The following WDR7 variants were observed in gnomAD, a reference collection of about 807,000 sequenced individuals.
The protein encoded by WDR7 is WD repeat-containing protein 7.
In WDR7, 46 loss-of-function variants were observed where a neutral mutation model predicts 169.4. That is an observed-to-expected ratio of 0.27 (90% CI 0.21 to 0.35). The LOEUF is 0.35. WDR7 is among the 10% of genes least tolerant of loss of function. The pLI, the probability that WDR7 is intolerant of heterozygous loss-of-function variation, is 1.00. For missense variants in WDR7, 1,534 were observed against 1,859.3 expected (o/e 0.83, Z 3.22); for synonymous variants, 612 against 666.8 (o/e 0.92, Z 1.27).
chr18:56,682,887 C>T, intron 5 of WDR7, 34 bp downstream of exon 5: 1 of 1,586,118 alleles, frequency 6.3e-7, no homozygotes, highest in Non-Finnish European at 8.6e-7. Context: ...AGCTTTAGCA[C>T]CATGACTTAA....
At chr18:56,952,142 A>T (rs2047192684) in intron 25 of WDR7, among the ~76,000 whole-genome samples, 1 of 152,194 alleles carries the variant, frequency 6.6e-6, no homozygotes, top group East Asian at 1.9e-4. Flanking sequence ...GGCAAATAAC[A>T]TCCTGGTGTC....
chr18:56,684,459 GGCTGT>G (rs1568135322), intron 5 of WDR7, among the ~76,000 whole-genome samples: 2 of 152,198 alleles, frequency 1.3e-5, no homozygotes, highest in African/African-American at 4.8e-5. Flanking sequence ...GATTGAGCCT[GGCTGT>G]GTTGCGATAA....
intron 21 of WDR7, among the ~76,000 whole-genome samples, chr18:56,884,082 T>A (rs374737426): frequency 2.6e-5 from 4 of 152,334 alleles, no homozygotes; most frequent in East Asian, 1.9e-4. Context: ...TTTTAAGGAA[T>A]CTTCACACTG....
At chr18:56,822,372 A>T (rs2045114425) in intron 20 of WDR7, among the ~76,000 whole-genome samples, 1 of 152,210 alleles carries the variant, frequency 6.6e-6, no homozygotes, top group African/African-American at 2.4e-5. Context: ...TTAAAATAGA[A>T]CTGAAAAAGA....
At chr18:56,906,227 G>A (rs2046474331) in intron 21 of WDR7, among the ~76,000 whole-genome samples, 1 of 152,144 alleles carries the variant, frequency 6.6e-6, no homozygotes, top group Non-Finnish European at 1.5e-5. Context: ...TATTGTCATA[G>A]GAATATACTC....
intron 22 of WDR7, among the ~76,000 whole-genome samples, chr18:56,929,215 G>T (rs553501044): frequency 2.2e-4 from 33 of 152,060 alleles, no homozygotes; most frequent in Non-Finnish European, 4.4e-4. Context: ...GGTCAAGGCT[G>T]CAGTGAGCTA....
rs186616903 is a variant in WDR7 at position 56,784,920 on chromosome 18, T to G, written c.3190+3264T>G. 6.1e-4 allele frequency among the ~76,000 whole-genome samples: 93 copies of G among 152,118 alleles called. No individual in the cohort carries two copies. The East Asian group carries it at 0.013, about 21-fold the overall frequency. The stretch of plus-strand genomic sequence containing the variant: ...GATCTTGTCATTTATTGTTGTTGTT[T>G]TTTTTTTTGTGAAAGACAAACATGC... On this transcript the variant is annotated intron_variant, in intron 19 of 27. Coordinates refer to ENST00000254442, the MANE Select transcript of WDR7 (RefSeq NM_015285.3).
rs1422628104 is a variant in WDR7, at chr18:56,889,191, A to T, written c.3526+9026A>T. ...GGACTTCAGTCATGATGGGGAGGAGATGGGCAACCTTGCCAGCTTCCTCTG... is the reference window on the plus strand; with the variant it reads ...GGACTTCAGTCATGATGGGGAGGAGTTGGGCAACCTTGCCAGCTTCCTCTG... On this transcript the variant is annotated intron_variant, in intron 21 of 27. Transcript: ENST00000254442. Among the ~76,000 whole-genome samples the T allele has an allele frequency of 2.6e-5, 4 of 152,194 alleles. No individual in the cohort carries two copies. The East Asian group carries it at 7.7e-4, about 29-fold the overall frequency.
At chr18:56,717,471 C>T (rs2026218489) in intron 12 of WDR7, among the ~76,000 whole-genome samples, 1 of 152,132 alleles carries the variant, frequency 6.6e-6, no homozygotes, top group African/African-American at 2.4e-5. Context: ...ATATCTATGA[C>T]TCCTAAGAAA....
chr18:56,838,664 T>C (rs1019160145), intron 20 of WDR7, among the ~76,000 whole-genome samples: 2 of 152,170 alleles, frequency 1.3e-5, no homozygotes, highest in Non-Finnish European at 2.9e-5. Flanking sequence ...AGACACAGCC[T>C]GTATTTTAAG....
rs187619793 is a variant in WDR7, at chr18:56,732,694, A to G, written c.1989+1097A>G. 3.9e-5 allele frequency among the ~76,000 whole-genome samples: 6 copies of G among 152,256 alleles called. No homozygotes were observed. In the East Asian group the frequency reaches 5.8e-4, roughly 15 times the overall value. ...AACTGGAACTGTGAAATCATTCTAC[A>G]TTTTTCCTCTGTGCTTTCAGTAGCA... On this transcript the variant is annotated intron_variant, in intron 14 of 27. Coordinates refer to ENST00000254442, the MANE Select transcript of WDR7 (RefSeq NM_015285.3).
intron 26 of WDR7, among the ~76,000 whole-genome samples, chr18:56,985,601 C>T (rs940625715): frequency 1.3e-5 from 2 of 151,900 alleles, no homozygotes; most frequent in African/African-American, 4.8e-5. Context: ...CTCTTAGTTA[C>T]CTTGAAATAT....
intron 12 of WDR7, among the ~76,000 whole-genome samples, chr18:56,700,743 G>A (rs1423551288): frequency 6.7e-6 from 1 of 149,674 alleles, no homozygotes; most frequent in African/African-American, 2.5e-5. Flanking sequence ...CTAATTTTTT[G>A]TATTTTTAGT....
intron 20 of WDR7, among the ~76,000 whole-genome samples, chr18:56,821,824 A>T (rs536800050): frequency 1.3e-5 from 2 of 151,326 alleles, no homozygotes; most frequent in Non-Finnish European, 2.9e-5. Flanking sequence ...GAGATACCCT[A>T]TCTCTACAAA....
intron 25 of WDR7, among the ~76,000 whole-genome samples, chr18:56,960,831 T>G (rs74446576): frequency 6.6e-6 from 1 of 152,082 alleles, no homozygotes; most frequent in Admixed American, 6.6e-5. Context: ...TCCTAACCAC[T>G]TAGTAGCCAG....
intron 17 of WDR7, 106 bp from the exon 18 acceptor site, chr18:56,779,323 CTT>C (rs750187671): frequency 1.4e-6 from 1 of 705,298 alleles, no homozygotes; most frequent in Non-Finnish European, 2.3e-6. Flanking sequence ...TGTAATATAA[CTT>C]AGCAGATCTG....
intron 26 of WDR7, among the ~76,000 whole-genome samples, chr18:56,976,271 A>C (rs1298819945): frequency 6.6e-6 from 1 of 152,238 alleles, no homozygotes; most frequent in Non-Finnish European, 1.5e-5. Flanking sequence ...AATTGATACT[A>C]TAATGCAGAA....
Position 56,701,279 on chromosome 18 carries a change from A to G in WDR7, c.1578+4817A>G, listed in dbSNP as rs145764289. Among the ~76,000 whole-genome samples the G allele has an allele frequency of 3.2e-3, 493 of 152,336 alleles. 2 individuals are homozygous for G. The highest frequency in any genetic ancestry group is 0.017 in the Middle Eastern group (5 of 294). ...AGACCTGAGAGGTTTGACTAACTAC[A>G]TATTGACTTCTTGAGAGGTGTTGGA... On this transcript the variant is annotated intron_variant, in intron 12 of 27. Transcript: ENST00000254442.
intron 16 of WDR7, among the ~76,000 whole-genome samples, chr18:56,772,320 A>C (rs1182887154): frequency 2.0e-5 from 3 of 152,180 alleles, no homozygotes; most frequent in Non-Finnish European, 1.5e-5. Flanking sequence ...TGAGGGGAGC[A>C]CTTGTGACCT....
Sources: allele counts gnomAD v4.1 joint callset (sites outside exome capture counted in the v4.1 genomes callset), GRCh38; gene constraint gnomAD v4.1.1; transcripts MANE v1.5; gene names NCBI Gene and HGNC (gene_info 2026-07-23, HGNC 2026-07-21).